The following SCIN variants were observed in gnomAD, a reference collection of about 807,000 sequenced individuals.
The protein encoded by SCIN is adseverin.
SCIN carries 91 observed loss-of-function variants against 91.8 expected under a neutral mutation model. The ratio of observed to expected loss-of-function variants is 0.99; its 90% CI spans 0.84 to 1.18. The LOEUF is 1.18. SCIN is among the 50% of genes most tolerant of loss of function. SCIN has a pLI of 0.00. For synonymous variants in SCIN, 367 were observed against 312.6 expected (o/e 1.17, Z -1.84); for missense variants, 1,087 against 863.9 (o/e 1.26, Z -3.24).
intron 9 of SCIN, among the ~76,000 whole-genome samples, chr7:12,632,659 G>A (rs1328035922): frequency 6.6e-6 from 1 of 152,182 alleles, no homozygotes; most frequent in African/African-American, 2.4e-5. Flanking sequence ...AGACAAAGTT[G>A]AGGATGACCC....
intron 7 of SCIN, chr7:12,626,079 C>G (rs1464237738): frequency 2.1e-6 from 1 of 472,580 alleles, no homozygotes; most frequent in East Asian, 3.5e-5. Context: ...TCACTTCCTC[C>G]ACAGCCTTTA....
intron 3 of SCIN, among the ~76,000 whole-genome samples, chr7:12,600,653 C>T (rs1178766121): frequency 6.6e-6 from 1 of 152,126 alleles, no homozygotes; most frequent in Non-Finnish European, 1.5e-5. Flanking sequence ...CTGAGTTGCA[C>T]TGGATAATTA....
In SCIN at chr7:12,658,456, C is replaced by G. The variant is rs1009827967; in HGVS notation, c.*5741C>G. 6.6e-6 allele frequency: 1 copy of G among 152,158 alleles called. No individual in the cohort carries two copies. 9.4% of individuals were successfully genotyped at this position (152,158 alleles called of 1,614,324 possible). A position where few individuals can be genotyped will look rare whatever the true frequency, so the allele number is the denominator to read the frequency against. On this transcript the variant is annotated 3_prime_UTR_variant, in exon 16 of 16. Coordinates refer to ENST00000297029, the MANE Select transcript of SCIN (RefSeq NM_001112706.3). ...CTCTCCTAATGCATTCCCTTTCCAA[C>G]GAACCTGAGCCTGGATTCTTCAGTA...
rs1247764435 is a variant in SCIN at position 12,637,899 on chromosome 7, T to A, written c.1410+1764T>A. Among the ~76,000 whole-genome samples, 12 of 152,108 alleles carry A rather than the reference T, an allele frequency of 7.9e-5. 1 individual carries two copies. Among genetic ancestry groups the A allele is most frequent in the Admixed American group, 3.3e-4 (5 of 15,266 alleles). ...GAGAAAAAGGGACAGGAAGAGATAA[T>A]ATGCTGTTTTATTTATTATAAAACT... On this transcript the variant is annotated intron_variant, in intron 10 of 15. Coordinates refer to ENST00000297029, the MANE Select transcript of SCIN (RefSeq NM_001112706.3).
chr7:12,585,233 A>G (rs1451082781), intron 3 of SCIN, among the ~76,000 whole-genome samples: 2 of 152,138 alleles, frequency 1.3e-5, no homozygotes, highest in African/African-American at 4.8e-5. Flanking sequence ...TCCGGTGGAC[A>G]CCGTGACATT....
chr7:12,642,851 T>A (rs917261946), intron 11 of SCIN, among the ~76,000 whole-genome samples: 1 of 152,048 alleles, frequency 6.6e-6, no homozygotes, highest in African/African-American at 2.4e-5. Context: ...GACCTCTAAG[T>A]TCTTGAGCGC....
At chr7:12,615,519 G>A (rs966211463) in intron 4 of SCIN, among the ~76,000 whole-genome samples, 5 of 152,158 alleles carry the variant, frequency 3.3e-5, no homozygotes, top group African/African-American at 7.2e-5. Flanking sequence ...CCAGCCATGC[G>A]GAACGGAGAG....
chr7:12,571,942 T>C (rs1320070389), intron 1 of SCIN, among the ~76,000 whole-genome samples: 1 of 152,178 alleles, frequency 6.6e-6, no homozygotes, highest in Non-Finnish European at 1.5e-5. Flanking sequence ...TCTCTGAGCC[T>C]TTTTGCCTTC....
intron 4 of SCIN, among the ~76,000 whole-genome samples, chr7:12,605,482 T>C (rs571111181): frequency 3.3e-5 from 5 of 152,352 alleles, no homozygotes; most frequent in Admixed American, 3.3e-4. Context: ...ATTGGAAATA[T>C]TTGTATATAC....
At chr7:12,644,411 A>G in intron 12 of SCIN, 96 bp downstream of exon 12, 2 of 1,458,070 alleles carry the variant, frequency 1.4e-6, no homozygotes, top group Non-Finnish European at 9.2e-7. Flanking sequence ...CTAATGGCTT[A>G]TAAGGGTTAA....
At chr7:12,601,646 A>G (rs895773565) in intron 3 of SCIN, among the ~76,000 whole-genome samples, 61 of 152,052 alleles carry the variant, frequency 4.0e-4, no homozygotes, top group Admixed American at 6.5e-5. Context: ...TGTATGTGAC[A>G]TAAAAACAAA....
Position 12,589,621 on chromosome 7 carries a change from C to G in SCIN, c.516+8400C>G, listed in dbSNP as rs1782675137. 2.6e-5 allele frequency: 4 copies of G among 152,182 alleles called. No homozygotes were observed. The South Asian group carries it at 8.3e-4, about 32-fold the overall frequency. The allele number at this position is 152,182 out of a possible 1,614,324, so 9.4% of individuals were successfully genotyped here. On this transcript the variant is annotated intron_variant, in intron 3 of 15. Transcript: ENST00000297029. ...TCTTCTAAAAAGATACACAGGCCGCCTTTCTCGGCAGTGAGGAGATCTAAA... is the reference window on the plus strand; with the variant it reads ...TCTTCTAAAAAGATACACAGGCCGCGTTTCTCGGCAGTGAGGAGATCTAAA...
rs898729890 is a variant in SCIN, at chr7:12,581,142, G to A, written c.437G>A (p.Arg146Lys). ...AGGCTCCTACATGTGAAGGGTCGTA[G>A]AGTGGTGAGAGCCACAGAAGTTCCC... ...AKRLLHVKGRRVVRATEVPLS... is the reference protein window; with the variant it reads ...AKRLLHVKGRKVVRATEVPLS... The change falls in exon 3 of 16, where the codon AGA (arginine) becomes AAA (lysine). Residue 146 changes from arginine to lysine, a missense_variant. Coordinates refer to ENST00000297029, the MANE Select transcript of SCIN (RefSeq NM_001112706.3). 17 of 1,551,394 alleles carry A rather than the reference G, an allele frequency of 1.1e-5. No individual in the cohort carries two copies. In the Admixed American group the frequency reaches 2.5e-4, roughly 23 times the overall value.
At position 12,583,432 on chromosome 7, in the gene SCIN, A is replaced by G. The variant is rs191495334; in HGVS notation, c.516+2211A>G. ...AGAAGGTATGTGCAAGTCACTCCAC[A>G]TTCATGCCAGTTGCGTGATGACCCA... On this transcript the variant is annotated intron_variant, in intron 3 of 15. Transcript: ENST00000297029. Among the ~76,000 whole-genome samples, 5 of 152,256 alleles carry G rather than the reference A, an allele frequency of 3.3e-5. No homozygotes were observed. The East Asian group carries it at 9.7e-4, about 29-fold the overall frequency.
chr7:12,605,720 G>T (rs1344964626), intron 4 of SCIN, among the ~76,000 whole-genome samples: 1 of 152,160 alleles, frequency 6.6e-6, no homozygotes, highest in Non-Finnish European at 1.5e-5. Context: ...CAGATGTTTG[G>T]ATTAGGGATG....
At chr7:12,579,268 A>G (rs1782440905) in intron 2 of SCIN, among the ~76,000 whole-genome samples, 1 of 152,148 alleles carries the variant, frequency 6.6e-6, no homozygotes, top group African/African-American at 2.4e-5. Context: ...ACACTTATAC[A>G]TTATAGGTTC....
At chr7:12,639,801 T>TCG (rs1554296944) in intron 10 of SCIN, among the ~76,000 whole-genome samples, 2 of 152,096 alleles carry the variant, frequency 1.3e-5, no homozygotes, top group African/African-American at 4.8e-5. Context: ...ATAGCAATCT[T>TCG]TGTGTGTGTG....
chr7:12,642,373 A>G (rs1783874735), intron 11 of SCIN, among the ~76,000 whole-genome samples: 1 of 152,106 alleles, frequency 6.6e-6, no homozygotes, highest in South Asian at 2.1e-4. Context: ...ATCTGGAATC[A>G]TTCACTTTGA....
At position 12,635,950 on chromosome 7, in the gene SCIN, A is replaced by G. The variant is rs1028824290; in HGVS notation, c.1320-95A>G. On this transcript the variant is annotated intron_variant, in intron 9 of 15. Transcript: ENST00000297029. Reference sequence around the variant, plus strand: ...TGTTAAAACAGTTCGCTTCTTCTTGATCTTTCATAATAACTTGTCTCTGCT... The same window carrying G: ...TGTTAAAACAGTTCGCTTCTTCTTGGTCTTTCATAATAACTTGTCTCTGCT... 7 of 875,024 alleles carry G rather than the reference A, an allele frequency of 8.0e-6. No individual in the cohort carries two copies. In the African/African-American group the frequency reaches 1.2e-4, roughly 15 times the overall value. The allele number at this position is 875,024 out of a possible 1,614,324, so 54.2% of individuals were successfully genotyped here.
Sources: allele counts gnomAD v4.1 joint callset (sites outside exome capture counted in the v4.1 genomes callset), GRCh38; gene constraint gnomAD v4.1.1; transcripts MANE v1.5; gene names NCBI Gene and HGNC (gene_info 2026-07-23, HGNC 2026-07-21).